The following APOL3 variants were observed in gnomAD, a reference collection of about 807,000 sequenced individuals.
APOL3 encodes the protein TNF-inducible protein CG12-1.
Under a neutral mutation model 11.6 loss-of-function variants are expected in APOL3, and 14 were observed. The observed-to-expected ratio is 1.21, with a 90% CI of 0.80 to 1.89. The LOEUF (loss-of-function observed/expected upper bound fraction) is 1.89. APOL3 is among the 40% of genes most tolerant of loss of function. APOL3 has a pLI of 0.00. For missense variants in APOL3, 483 were observed against 492.1 expected (o/e 0.98, Z 0.17); for synonymous variants, 192 against 190.6 (o/e 1.01, Z -0.06).
rs1483905104 is a variant in APOL3 at position 36,149,148 on chromosome 22, G to T, written c.224-3549C>A. 1 of 1,364,912 alleles carries T rather than the reference G, an allele frequency of 7.3e-7. No homozygotes were observed. Among genetic ancestry groups the T allele is most frequent in the South Asian group, 1.1e-5 (1 of 87,734 alleles). 84.6% of individuals were successfully genotyped at this position (1,364,912 alleles called of 1,614,324 possible). ...GTTCGTTTTTTTTCTTAACCCTTGAGGAGGAGAAAGCAAATTGTGGGACTG... is the reference window on the plus strand; with the variant it reads ...GTTCGTTTTTTTTCTTAACCCTTGATGAGGAGAAAGCAAATTGTGGGACTG... On this transcript the variant is annotated intron_variant, in intron 1 of 2. Coordinates refer to ENST00000349314, the Ensembl canonical transcript of APOL3.
chr22:36,142,620 C>T (rs2060040343), intron 2 of APOL3, among the ~76,000 whole-genome samples: 2 of 152,086 alleles, frequency 1.3e-5, no homozygotes, highest in Admixed American at 1.3e-4. Context: ...GGTTTTGGGG[C>T]TATTACGTAT....
At chr22:36,157,531 T>C (rs1456910428) in intron 1 of APOL3, among the ~76,000 whole-genome samples, 1 of 152,226 alleles carries the variant, frequency 6.6e-6, no homozygotes, top group Non-Finnish European at 1.5e-5. Flanking sequence ...AAAAACAATG[T>C]TGAGTTGGGA....
At chr22:36,141,767 C>T (rs2060004157) in exon 3 of APOL3, 1 of 1,614,056 alleles carries the variant, frequency 6.2e-7, no homozygotes, top group Non-Finnish European at 8.5e-7. Context: ...CCAGACTCGT[C>T]CCTGCTGTAA....
intron 1 of APOL3, chr22:36,149,640 A>G (rs1014388715): frequency 1.1e-5 from 4 of 357,886 alleles, no homozygotes; most frequent in African/African-American, 2.1e-5. Flanking sequence ...AACAGAAGAA[A>G]CCTCAAATGT....
At chr22:36,156,014 T>C (rs2012750315) in intron 1 of APOL3, 1 of 280,198 alleles carries the variant, frequency 3.6e-6, no homozygotes, top group Non-Finnish European at 7.2e-6. Context: ...AGCAGCTCCC[T>C]GCAAGTGGCT....
At chr22:36,156,854 T>C in intron 1 of APOL3, 1 of 439,086 alleles carries the variant, frequency 2.3e-6, no homozygotes, top group South Asian at 1.6e-5. Flanking sequence ...CTGGGTGGCC[T>C]CTGCCCTCCG....
Position 36,148,616 on chromosome 22 carries a change from G to C in APOL3, c.224-3017C>G, listed in dbSNP as rs2060304015. On this transcript the variant is annotated intron_variant, in intron 1 of 2. Coordinates refer to ENST00000349314, the Ensembl canonical transcript of APOL3. Reference sequence around the variant, plus strand: ...GTGCAGGGCAAGAGCTGGAGGGAGGGGACTGGCCTGTGCTGGAAACACCCC... The same window carrying C: ...GTGCAGGGCAAGAGCTGGAGGGAGGCGACTGGCCTGTGCTGGAAACACCCC... Among the ~76,000 whole-genome samples the C allele has an allele frequency of 3.3e-5, 5 of 152,200 alleles. No individual in the cohort carries two copies. In the South Asian group the frequency reaches 1.0e-3, roughly 31 times the overall value.
At position 36,142,059 on chromosome 22, in the gene APOL3, C is replaced by T. The variant is rs1311063584; in HGVS notation, c.351-1G>A. ...TTCGTAGAGAGCATCTGCCTCATCCCTGTACCAATAAAGGACAGATGATTA... is the reference window on the plus strand; with the variant it reads ...TTCGTAGAGAGCATCTGCCTCATCCTTGTACCAATAAAGGACAGATGATTA... On this transcript the variant is annotated splice_acceptor_variant, in intron 2 of 2. Transcript: ENST00000349314. LOFTEE classifies it high-confidence loss of function. 1.9e-6 allele frequency: 3 copies of T among 1,600,936 alleles called. No individual in the cohort carries two copies. The highest frequency in any genetic ancestry group is 2.2e-5 in the East Asian group (1 of 44,840).
chr22:36,160,889 C>T, exon 1 of APOL3: 1 of 1,613,220 alleles, frequency 6.2e-7, no homozygotes, highest in South Asian at 1.1e-5. Flanking sequence ...GGCCCAGTCC[C>T]ATCCTTGGTC....
rs1168507421 is a variant in APOL3 at position 36,154,677 on chromosome 22, T to G, written c.223+5992A>C. 3 of 469,704 alleles carry G rather than the reference T, an allele frequency of 6.4e-6. No individual in the cohort carries two copies. In the Admixed American group the frequency reaches 7.1e-5, roughly 11 times the overall value. 29.1% of individuals were successfully genotyped at this position (469,704 alleles called of 1,614,324 possible). A position where few individuals can be genotyped will look rare whatever the true frequency, so the allele number is the denominator to read the frequency against. On this transcript the variant is annotated intron_variant, in intron 1 of 2. Coordinates refer to ENST00000349314, the Ensembl canonical transcript of APOL3. The stretch of plus-strand genomic sequence containing the variant: ...GAATAGTAACCACACACAGGGTGAC[T>G]CTGAGATTGTGAGCAAATGAGACAG...
At chr22:36,157,098 C>T (rs373304326) in intron 1 of APOL3, 18 of 451,866 alleles carry the variant, frequency 4.0e-5, no homozygotes, top group Middle Eastern at 3.3e-4. Flanking sequence ...TATTTTCTCC[C>T]GTGTCCTCCC....
At chr22:36,154,662 C>G in intron 1 of APOL3, 3 of 470,678 alleles carry the variant, frequency 6.4e-6, no homozygotes, top group Non-Finnish European at 1.3e-5. Context: ...GAATAGTAAC[C>G]ACACACAGGG....
intron 1 of APOL3, among the ~76,000 whole-genome samples, chr22:36,149,566 A>ATGATATG (rs2060353993): frequency 1.3e-5 from 2 of 152,182 alleles, no homozygotes; most frequent in South Asian, 4.1e-4. Context: ...GGCTCCTCAT[A>ATGATATG]TGTGCCTCAT....
At chr22:36,164,183 C>T (rs1158001846), upstream of APOL3, among the ~76,000 whole-genome samples, 4 of 152,158 alleles carry the variant, frequency 2.6e-5, no homozygotes, top group African/African-American at 7.2e-5. Context: ...ACAACATCAA[C>T]GGACTGCACA....
upstream of APOL3, among the ~76,000 whole-genome samples, chr22:36,161,776 G>T (rs2013711138): frequency 6.6e-6 from 1 of 152,156 alleles, no homozygotes; most frequent in Non-Finnish European, 1.5e-5. Flanking sequence ...GGGTCAGGGG[G>T]TTCCTTGCTT....
chr22:36,161,342 G>A (rs1176931801), upstream of APOL3: 2 of 181,942 alleles, frequency 1.1e-5, no homozygotes, highest in Non-Finnish European at 1.2e-5. Context: ...TGAGCCACTC[G>A]GCCTGGCTAC....
At chr22:36,150,417 T>C (rs2060388996) in intron 1 of APOL3, among the ~76,000 whole-genome samples, 1 of 152,190 alleles carries the variant, frequency 6.6e-6, no homozygotes, top group Non-Finnish European at 1.5e-5. Flanking sequence ...GCCTATTAAG[T>C]GGGTACCATT....
At chr22:36,145,554 C>G in exon 2 of APOL3, 1 of 1,614,156 alleles carries the variant, frequency 6.2e-7, no homozygotes, top group Non-Finnish European at 8.5e-7. Flanking sequence ...TGGGCTGACT[C>G]TCTCCCGGAA....
At position 36,153,703 on chromosome 22, in the gene APOL3, C is replaced by T. The variant is rs997813667; in HGVS notation, c.223+6966G>A. On this transcript the variant is annotated intron_variant, in intron 1 of 2. Coordinates refer to ENST00000349314, the Ensembl canonical transcript of APOL3. Reference sequence around the variant, plus strand: ...TGGTCAGTCCCAACCGCTGTGAACCCGGAAAATCTGAGACTGGTGTCAGTT... The same window carrying T: ...TGGTCAGTCCCAACCGCTGTGAACCTGGAAAATCTGAGACTGGTGTCAGTT... Among the ~76,000 whole-genome samples the T allele has an allele frequency of 4.6e-5, 7 of 152,194 alleles. No individual in the cohort carries two copies. In the South Asian group the frequency reaches 6.2e-4, roughly 14 times the overall value.
Sources: allele counts gnomAD v4.1 joint callset (sites outside exome capture counted in the v4.1 genomes callset), GRCh38; gene constraint gnomAD v4.1.1; transcripts MANE v1.5; gene names NCBI Gene and HGNC (gene_info 2026-07-23, HGNC 2026-07-21).